TET3: variants seen among roughly 807,000 people sequenced by gnomAD.
The protein encoded by TET3 is methylcytosine dioxygenase TET3.
A neutral mutation model predicts 141.4 loss-of-function variants in TET3; 19 were observed. That is an observed-to-expected ratio of 0.13 (90% confidence interval 0.09 to 0.20). The LOEUF is 0.20. TET3 is among the 10% of genes least tolerant of loss of function. The pLI is 1.00. For missense variants in TET3, 1,874 were observed against 2,356.9 expected (o/e 0.80, Z 4.24); for synonymous variants, 1,043 against 980.9 (o/e 1.06, Z -1.18).
chr2:74,099,621 G>A lies in TET3; in HGVS notation c.3604+9G>A. ...CATTACGTCGGACCCAGGTGTGTGG[G>A]GGGAGGGTGCCCGCTTGGAGTCACA... On this transcript the variant is annotated intron_variant, in intron 11 of 11. Transcript: ENST00000409262. 1 of 1,549,060 alleles carries A rather than the reference G, an allele frequency of 6.5e-7. No homozygotes were observed. Among genetic ancestry groups the A allele is most frequent in the East Asian group, 2.4e-5 (1 of 41,764 alleles).
downstream of TET3, among the ~76,000 whole-genome samples, chr2:74,110,210 G>C (rs1041087577): frequency 6.6e-6 from 1 of 151,906 alleles, no homozygotes; most frequent in Non-Finnish European, 1.5e-5. Flanking sequence ...TCAAGTCTGC[G>C]TGCAATTTTT....
chr2:74,077,137 A>G (rs1015779783), intron 5 of TET3, among the ~76,000 whole-genome samples: 2 of 152,214 alleles, frequency 1.3e-5, no homozygotes, highest in African/African-American at 4.8e-5. Flanking sequence ...ACACTGCACT[A>G]GCAGGTTCTC....
chr2:74,037,666 C>A (rs1201975887), intron 3 of TET3, among the ~76,000 whole-genome samples: 1 of 152,320 alleles, frequency 6.6e-6, no homozygotes, highest in East Asian at 1.9e-4. Flanking sequence ...AAAACACCTT[C>A]TTGGACATGG....
At chr2:74,004,749 C>T (rs540442216) in intron 3 of TET3, among the ~76,000 whole-genome samples, 43 of 152,262 alleles carry the variant, frequency 2.8e-4, no homozygotes, top group South Asian at 1.7e-3. Flanking sequence ...CTCAAGTTGG[C>T]TCTCACTACA....
chr2:74,052,802 C>G (rs944493444), intron 4 of TET3, among the ~76,000 whole-genome samples: 3 of 151,898 alleles, frequency 2.0e-5, no homozygotes, highest in Non-Finnish European at 4.4e-5. Context: ...CCTGGGAGGC[C>G]GAGGTTGCAG....
chr2:74,076,647 G>C (rs1689532022), intron 5 of TET3, among the ~76,000 whole-genome samples: 1 of 147,126 alleles, frequency 6.8e-6, no homozygotes. Context: ...TTCATCACCT[G>C]TTAGTTTTAT....
chr2:74,050,591 G>A (rs1045428624), intron 4 of TET3, among the ~76,000 whole-genome samples: 3 of 152,024 alleles, frequency 2.0e-5, no homozygotes, highest in African/African-American at 7.2e-5. Context: ...ACTCTGTTGC[G>A]GGGGCTGGAA....
Position 74,106,400 on chromosome 2 carries a change from C to G in TET3, c.*4224C>G, listed in dbSNP as rs1402296572. 1 of 153,720 alleles carries G rather than the reference C, an allele frequency of 6.5e-6. No individual in the cohort carries two copies. Among genetic ancestry groups the G allele is most frequent in the Non-Finnish European group, 1.5e-5 (1 of 68,058 alleles). The allele number at this position is 153,720 out of a possible 1,614,324, so 9.5% of individuals were successfully genotyped here. Reference sequence around the variant, plus strand: ...CCTCTCCTAGCATGATAGGCATTCTCATAGCCAGGGACAGATTTTCTCCTG... The same window carrying G: ...CCTCTCCTAGCATGATAGGCATTCTGATAGCCAGGGACAGATTTTCTCCTG... On this transcript the variant is annotated 3_prime_UTR_variant, in exon 12 of 12. Coordinates refer to ENST00000409262, the MANE Select transcript of TET3 (RefSeq NM_001287491.2).
In TET3 at chr2:74,048,038, G is replaced by A; in HGVS notation, c.2121G>A (p.Leu707=). 1 of 1,610,756 alleles carries A rather than the reference G, an allele frequency of 6.2e-7. No homozygotes were observed. The highest frequency in any genetic ancestry group is 1.1e-5 in the South Asian group (1 of 90,686). ...CTCTTCCCCCTGCCGATGACAAGCT[G>A]GAAGAGCTCATCCGGCAGTTTGAGG... The part of the protein sequence containing the change: ...TGPLPPADDK[L]EELIRQFEAE... Residue 707 remains leucine (L), a synonymous_variant, in exon 4 of 12, where the codon CTG becomes CTA. Transcript: ENST00000409262.
intron 4 of TET3, among the ~76,000 whole-genome samples, chr2:74,050,453 C>T (rs918350100): frequency 3.9e-5 from 6 of 152,182 alleles, no homozygotes; most frequent in African/African-American, 1.4e-4. Flanking sequence ...AAAAAGTTGG[C>T]TGTTCCTTTA....
At chr2:74,006,937 T>G (rs959207971) in intron 3 of TET3, among the ~76,000 whole-genome samples, 1 of 152,236 alleles carries the variant, frequency 6.6e-6, no homozygotes, top group Non-Finnish European at 1.5e-5. Flanking sequence ...ATCTGTAGAT[T>G]AGTGTATTCT....
At chr2:73,991,322 G>A (rs1045828968) in intron 2 of TET3, among the ~76,000 whole-genome samples, 4 of 151,694 alleles carry the variant, frequency 2.6e-5, no homozygotes, top group African/African-American at 9.7e-5. Context: ...GGTGGCTCAC[G>A]CTTGTAATCC....
intron 4 of TET3, among the ~76,000 whole-genome samples, chr2:74,053,461 C>T (rs774991819): frequency 6.6e-6 from 1 of 152,194 alleles, no homozygotes; most frequent in Non-Finnish European, 1.5e-5. Context: ...AGGAAGGTAT[C>T]TGTGTTAGTT....
Position 73,990,372 on chromosome 2 carries a change from G to A in TET3, c.303+3666G>A, listed in dbSNP as rs114491431. ...ACTCCAGATGCAATACAAATTAAGC[G>A]TTTATCTCAAGGCATTCACCTCACT... On this transcript the variant is annotated intron_variant, in intron 2 of 11. Transcript: ENST00000409262. 7.0e-3 allele frequency among the ~76,000 whole-genome samples: 1,064 copies of A among 152,178 alleles called. 16 individuals carry two copies. The highest frequency in any genetic ancestry group is 0.023 in the African/African-American group (958 of 41,494).
chr2:74,067,935 G>T (rs1299409529), intron 4 of TET3, among the ~76,000 whole-genome samples: 1 of 152,170 alleles, frequency 6.6e-6, no homozygotes, highest in Admixed American at 6.5e-5. Context: ...GTCCAGCGTG[G>T]TATAATAATG....
chr2:74,002,936 A>G, intron 2 of TET3, 174 bp from the exon 3 acceptor site: 1 of 648,810 alleles, frequency 1.5e-6, no homozygotes, highest in Non-Finnish European at 2.8e-6. Flanking sequence ...GTCTGCCGTG[A>G]TCCAGGCGGC....
intron 3 of TET3, among the ~76,000 whole-genome samples, chr2:74,029,274 C>A (rs1229578732): frequency 1.3e-5 from 2 of 152,178 alleles, no homozygotes; most frequent in Non-Finnish European, 2.9e-5. Context: ...ATCCATTCAG[C>A]CTTTAGTGCC....
At chr2:74,008,188 G>T (rs1258337175) in intron 3 of TET3, among the ~76,000 whole-genome samples, 1 of 152,030 alleles carries the variant, frequency 6.6e-6, no homozygotes, top group Non-Finnish European at 1.5e-5. Context: ...CCTCCATCTT[G>T]GGGACAAAGC....
the TET3 span, among the ~76,000 whole-genome samples, chr2:74,115,503 GC>G: frequency 3.3e-5 from 5 of 152,084 alleles, no homozygotes; most frequent in South Asian, 2.1e-4. Flanking sequence ...TACGCCAGAA[GC>G]CCAGACTTCA....
Sources: allele counts gnomAD v4.1 joint callset (sites outside exome capture counted in the v4.1 genomes callset), GRCh38; gene constraint gnomAD v4.1.1; transcripts MANE v1.5; gene names NCBI Gene and HGNC (gene_info 2026-07-23, HGNC 2026-07-21).